The following CFAP43 variants were observed in gnomAD, a reference collection of about 807,000 sequenced individuals.
The protein encoded by CFAP43 is cilia- and flagella-associated protein 43.
Under a neutral mutation model 218.9 loss-of-function variants are expected in CFAP43, and 155 were observed. The ratio of observed to expected loss-of-function variants is 0.71; its 90% CI spans 0.62 to 0.81. CFAP43 has a LOEUF of 0.81. Among genes scored for constraint, CFAP43 ranks in the 30% least tolerant of loss-of-function variants. The pLI is 0.00. For missense variants in CFAP43, 1,778 were observed against 1,954.3 expected, an observed-to-expected ratio of 0.91 and a Z score of 1.70; for synonymous variants, 645 against 681.3, an observed-to-expected ratio of 0.95 and a Z score of 0.83.
Position 104,197,937 on chromosome 10 carries a change from T to C in CFAP43, c.1197A>G (p.Gly399=), listed in dbSNP as rs149604133. Residue 399 remains glycine, a synonymous_variant, in exon 9 of 38, where the codon GGA becomes GGG. Transcript: ENST00000357060. ...TATTCTTTACCATGAAGTATTGGGT[T>C]CCAGGTGTGATAAAGTCAATTGCCT... The part of the protein sequence containing the change: ...KFQAIDFITP[G]TQYFMTLTYS... 24 of 1,609,166 alleles carry C rather than the reference T, an allele frequency of 1.5e-5. No individual in the cohort carries two copies. In the African/African-American group the frequency reaches 1.6e-4, roughly 11 times the overall value.
Position 104,130,004 on chromosome 10 carries a change from T to A in CFAP43, c.*135A>T, listed in dbSNP as rs1249697305. 2 of 1,123,082 alleles carry A rather than the reference T, an allele frequency of 1.8e-6. No homozygotes were observed. Among genetic ancestry groups the A allele is most frequent in the African/African-American group, 3.2e-5 (2 of 61,584 alleles). 69.6% of individuals were successfully genotyped at this position (1,123,082 alleles called of 1,614,324 possible). A position where few individuals can be genotyped will look rare whatever the true frequency, so the allele number is the denominator to read the frequency against. On this transcript the variant is annotated 3_prime_UTR_variant, in exon 38 of 38. Coordinates refer to ENST00000357060, the MANE Select transcript of CFAP43 (RefSeq NM_025145.7). ...TACAATTAAGGCTAAAATTAAACAA[T>A]TTTTTATCTAAAACATGCAACTCAG...
chr10:104,183,338 G>A (rs1347528237), intron 16 of CFAP43, among the ~76,000 whole-genome samples: 1 of 151,934 alleles, frequency 6.6e-6, no homozygotes, highest in Non-Finnish European at 1.5e-5. Flanking sequence ...GATTTAGAGG[G>A]GTTGTCATTT....
chr10:104,188,278 A>G lies in CFAP43; in HGVS notation c.1679T>C (p.Leu560Pro). Residue 560 changes from leucine to proline, a missense_variant, in exon 13 of 38, where the codon CTG (leucine) becomes CCG (proline). Leu to Pro is a moderately conservative substitution (Grantham distance 98, BLOSUM62 -3). Coordinates refer to ENST00000357060, the MANE Select transcript of CFAP43 (RefSeq NM_025145.7). ...GCTTATGTTTTCCTTACCTTGTGGC[A>G]GTAATGTAGGCAGTGTGAACATCTC... The part of the protein sequence containing the change: ...RLEMFTLPTL[L>P]PQVSTTFADE... 2.5e-6 allele frequency: 4 copies of G among 1,613,644 alleles called. No individual in the cohort carries two copies. In the African/African-American group the frequency reaches 5.3e-5, roughly 21 times the overall value.
At chr10:104,229,084 TATAGTCCACCTAG>T (rs1437719609) in intron 2 of CFAP43, among the ~76,000 whole-genome samples, 1 of 152,130 alleles carries the variant, frequency 6.6e-6, no homozygotes, top group East Asian at 1.9e-4. Context: ...AGATAAAGGG[TATAGTCCACCTAG>T]ATAGTCCCCA....
rs771091610 is a variant in CFAP43 at position 104,141,001 on chromosome 10, T to C, written c.4272A>G (p.Leu1424=). Residue 1424 remains leucine (L), a splice_region_variant and synonymous_variant, in exon 34 of 38, where the codon CTA becomes CTG. Transcript: ENST00000357060. ...EIERVFHELI[L]LQEEKVRFQL... is the part of the protein sequence containing the mutation. ...GGAATCTCACTTTCTCTTCCTGTAA[T>C]CTGAATTGAAAAGTACTTCAAAGCA... 1 of 1,607,638 alleles carries C rather than the reference T, an allele frequency of 6.2e-7. No homozygotes were observed. The highest frequency in any genetic ancestry group is 2.2e-5 in the East Asian group (1 of 44,822).
chr10:104,134,996 A>T (rs1039748477), intron 34 of CFAP43, among the ~76,000 whole-genome samples: 20 of 152,270 alleles, frequency 1.3e-4, no homozygotes, highest in African/African-American at 4.8e-4. Flanking sequence ...ATACTAGCAA[A>T]CTGATTCCAG....
intron 14 of CFAP43, 148 bp downstream of exon 14, chr10:104,187,172 C>G: frequency 1.8e-6 from 1 of 551,880 alleles, no homozygotes; most frequent in Non-Finnish European, 2.8e-6. Context: ...CACTATATAT[C>G]TAGCTCAAGG....
chr10:104,214,447 G>T, intron 3 of CFAP43, 21 bp from the exon 4 acceptor site: 1 of 1,528,514 alleles, frequency 6.5e-7, no homozygotes, highest in Non-Finnish European at 8.8e-7. Context: ...AATAGCATTT[G>T]ATGAAAAAAA....
In CFAP43 at chr10:104,207,638, G is replaced by A. The variant is rs757231343; in HGVS notation, c.895+27C>T. 25 of 1,599,676 alleles carry A rather than the reference G, an allele frequency of 1.6e-5. No homozygotes were observed. The South Asian group carries it at 2.6e-4, about 17-fold the overall frequency. ...AAAAACCAACACCCATGGCTATACA[G>A]GAATATGAAGTAGGACAGTTTCTTA... On this transcript the variant is annotated intron_variant, in intron 6 of 37. Coordinates refer to ENST00000357060, the MANE Select transcript of CFAP43 (RefSeq NM_025145.7).
chr10:104,231,119 A>G (rs1314698795), intron 1 of CFAP43, among the ~76,000 whole-genome samples: 2 of 152,220 alleles, frequency 1.3e-5, no homozygotes, highest in Non-Finnish European at 2.9e-5. Flanking sequence ...AAACCTGAGA[A>G]AGTCTCAGAA....
chr10:104,136,802 T>C (rs2087474779), intron 34 of CFAP43, among the ~76,000 whole-genome samples: 2 of 152,142 alleles, frequency 1.3e-5, no homozygotes, highest in African/African-American at 4.8e-5. Context: ...AATTTGAAAA[T>C]GGGCAAAAGA....
chr10:104,175,224 G>A (rs1017956020), intron 19 of CFAP43, among the ~76,000 whole-genome samples: 10 of 152,056 alleles, frequency 6.6e-5, no homozygotes, highest in African/African-American at 2.4e-4. Context: ...AGGAATTCAA[G>A]ACCAGCCTGG....
chr10:104,220,949 CGTGTGTGT>C lies in CFAP43; in HGVS notation c.416+4504_416+4511del, dbSNP rs68093596. Among the ~76,000 whole-genome samples the C allele has an allele frequency of 2.8e-3, 401 of 143,684 alleles. 1 individual carries two copies. Among genetic ancestry groups the C allele is most frequent in the East Asian group, 0.014 (69 of 4,788 alleles). The allele number at this position is 143,684 out of a possible 152,430, so 94.3% of individuals were successfully genotyped here. A position where few individuals can be genotyped will look rare whatever the true frequency, so the allele number is the denominator to read the frequency against. ...CTTTTTCTAACTCTATATGAGTGAG[CGTGTGTGT>C]GTGTGTGTGTGTGTGTGTGTGTGTG... is the stretch of plus-strand genomic sequence containing the variant. On this transcript the variant is annotated intron_variant, in intron 3 of 37. Transcript: ENST00000357060.
At chr10:104,137,450 T>A (rs2087503146) in intron 34 of CFAP43, among the ~76,000 whole-genome samples, 1 of 152,132 alleles carries the variant, frequency 6.6e-6, no homozygotes, top group Non-Finnish European at 1.5e-5. Context: ...GTCCAGGGGC[T>A]AAGGGAAGAG....
At chr10:104,183,891 C>G (rs1420118570) in intron 16 of CFAP43, among the ~76,000 whole-genome samples, 1 of 152,152 alleles carries the variant, frequency 6.6e-6, no homozygotes, top group Non-Finnish European at 1.5e-5. Context: ...TATTCAGAAT[C>G]CCATGTATAA....
chr10:104,230,703 C>T lies in CFAP43; in HGVS notation c.206G>A (p.Gly69Asp). 2 of 1,613,964 alleles carry T rather than the reference C, an allele frequency of 1.2e-6. No individual in the cohort carries two copies. The highest frequency in any genetic ancestry group is 2.2e-5 in the South Asian group (2 of 91,068). ...TVLQCSNGIV[G>D]VMATNIPCEV... ...ACAGGGGATGTTAGTTGCCATGACG[C>T]CCACAATTCCATTACTACACTGCAG... Residue 69 changes from glycine (G) to aspartate (D), a missense_variant, in exon 2 of 38, where the codon GGC becomes GAC. Physicochemically the swap from Gly to Asp is moderately conservative, Grantham distance 94 (BLOSUM62 -1). Around this residue, in one of 3 missense-constraint regions of CFAP43, gnomAD observed 1,553 missense variants for 1,685.2 expected, o/e 0.92. Transcript: ENST00000357060.
chr10:104,181,720 T>C (rs1451705833), intron 17 of CFAP43, among the ~76,000 whole-genome samples: 1 of 152,136 alleles, frequency 6.6e-6, no homozygotes. Context: ...TACCCTCCCA[T>C]TGTCTTTGCA....
intron 3 of CFAP43, among the ~76,000 whole-genome samples, chr10:104,220,949 C>CGTGTGTGTGTGTGT (rs68093596): frequency 2.1e-5 from 3 of 143,580 alleles, no homozygotes; most frequent in African/African-American, 7.7e-5. Context: ...TATGAGTGAG[C>CGTGTGTGTGTGTGT]GTGTGTGTGT....
chr10:104,150,897 C>T (rs1020414291), intron 28 of CFAP43, among the ~76,000 whole-genome samples: 1 of 152,110 alleles, frequency 6.6e-6, no homozygotes, highest in African/African-American at 2.4e-5. Context: ...CCACCCACCA[C>T]CCTCAGGAAA....
Sources: allele counts gnomAD v4.1 joint callset (sites outside exome capture counted in the v4.1 genomes callset), GRCh38; gene constraint gnomAD v4.1.1; regional missense constraint gnomAD v4.1.1; transcripts MANE v1.5; gene names NCBI Gene and HGNC (gene_info 2026-07-23, HGNC 2026-07-21).